The following DOCK3 variants were observed in gnomAD, a reference collection of about 807,000 sequenced individuals.
The protein encoded by DOCK3 is dedicator of cytokinesis 3.
Under a neutral mutation model 265.6 loss-of-function variants are expected in DOCK3, and 60 were observed. That is an observed-to-expected ratio of 0.23 (90% CI 0.18 to 0.28). DOCK3 has a LOEUF of 0.28. Ranked by LOEUF, DOCK3 falls within the 10% of genes least tolerant of loss-of-function variation. The pLI is 1.00. For missense variants in DOCK3, 1,981 were observed against 2,594.3 expected (o/e 0.76, Z 5.14); for synonymous variants, 881 against 938.0 (o/e 0.94, Z 1.11).
At chr3:51,371,847 T>C (rs2087706055) in intron 49 of DOCK3, among the ~76,000 whole-genome samples, 1 of 152,230 alleles carries the variant, frequency 6.6e-6, no homozygotes, top group Non-Finnish European at 1.5e-5. Flanking sequence ...GGGTTTTCTT[T>C]ATGAGCCAGG....
chr3:50,848,673 G>T (rs1419051406), intron 3 of DOCK3, among the ~76,000 whole-genome samples: 5 of 152,308 alleles, frequency 3.3e-5, no homozygotes, highest in East Asian at 1.9e-4. Flanking sequence ...TCTTGATGGG[G>T]TTCCCCATTG....
At chr3:50,827,033 A>C (rs959694885) in intron 2 of DOCK3, among the ~76,000 whole-genome samples, 3 of 152,174 alleles carry the variant, frequency 2.0e-5, no homozygotes, top group Non-Finnish European at 4.4e-5. Context: ...ACTAACACTA[A>C]TAAATGAAAA....
intron 5 of DOCK3, among the ~76,000 whole-genome samples, chr3:50,968,829 C>T (rs13077958): frequency 3.3e-5 from 5 of 152,102 alleles, no homozygotes; most frequent in Non-Finnish European, 5.9e-5. Flanking sequence ...GGATTACAGG[C>T]GTGAGCCACT....
At chr3:51,157,924 G>A (rs59794491) in intron 10 of DOCK3, among the ~76,000 whole-genome samples, 6,851 of 142,262 alleles carry the variant, frequency 0.048, 559 homozygotes, top group African/African-American at 0.17. Context: ...TCCTGCCTCA[G>A]CCTCCCGAGT....
intron 5 of DOCK3, among the ~76,000 whole-genome samples, chr3:50,982,517 C>G (rs2077730605): frequency 6.6e-6 from 1 of 152,114 alleles, no homozygotes; most frequent in African/African-American, 2.4e-5. Context: ...TGCCTCATGT[C>G]CCCAAGGCAG....
intron 12 of DOCK3, among the ~76,000 whole-genome samples, chr3:51,206,903 G>A (rs2089244716): frequency 6.6e-6 from 1 of 152,190 alleles, no homozygotes; most frequent in Non-Finnish European, 1.5e-5. Flanking sequence ...TGTAGGATAT[G>A]GTGAATGCTG....
chr3:50,848,429 G>A (rs945085377), intron 3 of DOCK3, among the ~76,000 whole-genome samples: 6 of 152,146 alleles, frequency 3.9e-5, no homozygotes, highest in Admixed American at 6.5e-5. Flanking sequence ...AGCAGGTATC[G>A]CTCTTTTTGT....
chr3:51,378,156 AG>A (rs2088291380), intron 51 of DOCK3, among the ~76,000 whole-genome samples: 1 of 152,160 alleles, frequency 6.6e-6, no homozygotes. Flanking sequence ...GCAACAGCTA[AG>A]TGTCTTGCCT....
At chr3:51,287,179 CA>C (rs2081453788) in intron 27 of DOCK3, among the ~76,000 whole-genome samples, 1 of 152,078 alleles carries the variant, frequency 6.6e-6, no homozygotes, top group Admixed American at 6.5e-5. Flanking sequence ...CAAAAGAGGA[CA>C]TACAGCAAAC....
chr3:50,990,531 C>T (rs1448934335), intron 5 of DOCK3, among the ~76,000 whole-genome samples: 1 of 152,132 alleles, frequency 6.6e-6, no homozygotes. Context: ...AAAAATTCTT[C>T]AACTAAGAAT....
At position 50,745,297 on chromosome 3, in the gene DOCK3, C is replaced by T. The variant is rs556440109; in HGVS notation, c.38-33378C>T. 6.6e-5 allele frequency among the ~76,000 whole-genome samples: 10 copies of T among 152,140 alleles called. No individual in the cohort carries two copies. In the East Asian group the frequency reaches 1.9e-3, roughly 30 times the overall value. On this transcript the variant is annotated intron_variant, in intron 1 of 52. Coordinates refer to ENST00000266037, the MANE Select transcript of DOCK3 (RefSeq NM_004947.5). ...CCAACCTCAGGTGATCTGCCCACCT[C>T]AGCCTCCCAAAGTGCTGGGATGACA... is the stretch of plus-strand genomic sequence containing the variant.
intron 3 of DOCK3, among the ~76,000 whole-genome samples, chr3:50,877,810 A>T (rs2047789904): frequency 6.6e-6 from 1 of 152,024 alleles, no homozygotes; most frequent in African/African-American, 2.4e-5. Flanking sequence ...AGTAGCTGGG[A>T]TTACAGGCCT....
At chr3:51,092,288 G>A (rs1044602065) in intron 9 of DOCK3, among the ~76,000 whole-genome samples, 15 of 152,192 alleles carry the variant, frequency 9.9e-5, no homozygotes, top group African/African-American at 3.4e-4. Flanking sequence ...TGCCAGCACA[G>A]CAGCAGACTG....
At chr3:51,229,449 TAAAA>T (rs113104131) in intron 18 of DOCK3, 59 bp from the exon 19 acceptor site, 39 of 1,056,644 alleles carry the variant, frequency 3.7e-5, no homozygotes, top group South Asian at 1.0e-4. Context: ...AGACTCCGTC[TAAAA>T]AAAAAAAAAA....
chr3:51,092,590 G>A (rs1172674811), intron 9 of DOCK3, among the ~76,000 whole-genome samples: 1 of 152,218 alleles, frequency 6.6e-6, no homozygotes, highest in Non-Finnish European at 1.5e-5. Flanking sequence ...CGCAGCTTCA[G>A]CAGACTTTAG....
intron 32 of DOCK3, among the ~76,000 whole-genome samples, chr3:51,318,549 C>T (rs1185158210): frequency 6.6e-6 from 1 of 151,936 alleles, no homozygotes; most frequent in Non-Finnish European, 1.5e-5. Context: ...TTTTGGTGCT[C>T]TTCTAAATAA....
chr3:51,286,971 G>A (rs977251414), intron 27 of DOCK3, among the ~76,000 whole-genome samples: 2 of 152,212 alleles, frequency 1.3e-5, no homozygotes, highest in African/African-American at 4.8e-5. Flanking sequence ...AAAAATTGAC[G>A]AATGTGATCT....
intron 1 of DOCK3, among the ~76,000 whole-genome samples, chr3:50,737,064 G>A (rs1346188825): frequency 6.6e-6 from 1 of 151,902 alleles, no homozygotes; most frequent in African/African-American, 2.4e-5. Context: ...TTTTTTTCTT[G>A]TAAATTTGTT....
chr3:50,716,442 G>C (rs751931358), intron 1 of DOCK3, among the ~76,000 whole-genome samples: 23 of 151,980 alleles, frequency 1.5e-4, no homozygotes, highest in Non-Finnish European at 2.9e-4. Context: ...GCAGCAGAAT[G>C]GCGTGAACCC....
Sources: gnomAD v4.1 joint callset for allele counts (sites outside exome capture counted in the v4.1 genomes callset) on GRCh38, gnomAD v4.1.1 for gene constraint, MANE v1.5 for transcripts, NCBI Gene and HGNC (gene_info 2026-07-23, HGNC 2026-07-21) for gene names.